Variants in PLA2G4A observed in about 807,000 individuals in gnomAD.
PLA2G4A encodes the protein phospholipase A2 group IVA.
A neutral mutation model predicts 81.9 loss-of-function variants in PLA2G4A; 40 were observed. The observed-to-expected ratio is 0.49, with a 90% CI of 0.38 to 0.64. The LOEUF is 0.64. PLA2G4A is among the 30% of genes least tolerant of loss of function. The pLI is 0.00. For synonymous variants in PLA2G4A, 302 were observed against 296.9 expected (o/e 1.02, Z -0.18); for missense variants, 715 against 905.1 (o/e 0.79, Z 2.69).
rs761962494 is a variant in PLA2G4A at position 186,907,051 on chromosome 1, A to G, written c.416+49A>G. 5.0e-5 allele frequency: 47 copies of G among 935,128 alleles called. No homozygotes were observed. The Admixed American group carries it at 6.7e-4, about 13-fold the overall frequency. The allele number at this position is 935,128 out of a possible 1,614,324, so 57.9% of individuals were successfully genotyped here. ...TGAGAAATATTGTGAGTGATCCACT[A>G]ATTTATTTTAATTGTTAAAGAATTT... is the stretch of plus-strand genomic sequence containing the variant. On this transcript the variant is annotated intron_variant, in intron 6 of 17. Transcript: ENST00000367466.
chr1:186,908,070 G>A (rs1488060819), intron 6 of PLA2G4A, among the ~76,000 whole-genome samples: 4 of 151,964 alleles, frequency 2.6e-5, no homozygotes, highest in Non-Finnish European at 5.9e-5. Flanking sequence ...ATTTATGTCA[G>A]CTCTAGAACA....
intron 3 of PLA2G4A, among the ~76,000 whole-genome samples, chr1:186,884,768 A>C (rs892922415): frequency 6.6e-6 from 1 of 151,906 alleles, no homozygotes; most frequent in Non-Finnish European, 1.5e-5. Flanking sequence ...AGTCCCAGCT[A>C]CTTGGGGAAG....
At chr1:186,913,593 G>A (rs553938623) in intron 7 of PLA2G4A, among the ~76,000 whole-genome samples, 4 of 152,014 alleles carry the variant, frequency 2.6e-5, no homozygotes, top group African/African-American at 9.6e-5. Context: ...GAGCTTTCTT[G>A]TTAATTGAAT....
chr1:186,975,438 A>G (rs1657497041), intron 15 of PLA2G4A, among the ~76,000 whole-genome samples: 1 of 152,230 alleles, frequency 6.6e-6, no homozygotes, highest in East Asian at 1.9e-4. Flanking sequence ...GTGAAAGTTC[A>G]ATGAAAAGTG....
chr1:186,924,059 T>C (rs923499349), intron 7 of PLA2G4A, among the ~76,000 whole-genome samples: 1 of 152,178 alleles, frequency 6.6e-6, no homozygotes, highest in Non-Finnish European at 1.5e-5. Flanking sequence ...CAGATACCCA[T>C]CAGATATGGA....
intron 1 of PLA2G4A, among the ~76,000 whole-genome samples, chr1:186,837,587 A>G (rs931296938): frequency 6.6e-6 from 1 of 150,852 alleles, no homozygotes; most frequent in Non-Finnish European, 1.5e-5. Context: ...AATACAAAAA[A>G]TTAGCCGGGC....
rs1654670688 is a variant in PLA2G4A, at chr1:186,904,632, A to ATGGCACAGCACTGC, written c.379-2333_379-2332insTGGCACAGCACTGC. On this transcript the variant is annotated intron_variant, in intron 5 of 17. Transcript: ENST00000367466. ...AAGAACCTTGGCAGCACAGCCTGTAACATTCAAAATGGCAGAAAAATCCTG... is the reference window on the plus strand; with the variant it reads ...AAGAACCTTGGCAGCACAGCCTGTAATGGCACAGCACTGCCATTCAAAATGGCAGAAAAATCCTG... Among the ~76,000 whole-genome samples the ATGGCACAGCACTGC allele has an allele frequency of 5.3e-5, 8 of 152,366 alleles. No homozygotes were observed. In the South Asian group the frequency reaches 1.7e-3, roughly 32 times the overall value.
chr1:186,986,371 G>A (rs1657892036), intron 17 of PLA2G4A, among the ~76,000 whole-genome samples: 1 of 151,968 alleles, frequency 6.6e-6, no homozygotes, highest in South Asian at 2.1e-4. Context: ...TATTTTATTT[G>A]GACACTTTTA....
intron 14 of PLA2G4A, among the ~76,000 whole-genome samples, chr1:186,960,993 CAGTT>C (rs1317555159): frequency 8.5e-5 from 13 of 152,306 alleles, no homozygotes; most frequent in East Asian, 5.8e-4. Flanking sequence ...TTTTGCAACA[CAGTT>C]AGGAAACACT....
intron 3 of PLA2G4A, among the ~76,000 whole-genome samples, chr1:186,872,685 G>T (rs921261025): frequency 4.6e-5 from 7 of 151,804 alleles, no homozygotes; most frequent in African/African-American, 1.7e-4. Flanking sequence ...CTTTGGCAAT[G>T]GTTATTTATT....
intron 6 of PLA2G4A, among the ~76,000 whole-genome samples, chr1:186,908,653 T>A (rs12401750): frequency 0.11 from 16,329 of 151,888 alleles, 991 homozygotes; most frequent in Middle Eastern, 0.19. Flanking sequence ...TATGGATAAA[T>A]AGATTATAGT....
At chr1:186,902,993 T>C (rs1002921233) in intron 5 of PLA2G4A, among the ~76,000 whole-genome samples, 6 of 152,136 alleles carry the variant, frequency 3.9e-5, no homozygotes, top group Non-Finnish European at 7.3e-5. Context: ...ATTGATAGGG[T>C]TGTAATTTCT....
At chr1:186,877,959 A>C (rs1653566689) in intron 3 of PLA2G4A, among the ~76,000 whole-genome samples, 1 of 150,542 alleles carries the variant, frequency 6.6e-6, no homozygotes, top group African/African-American at 2.4e-5. Context: ...GGTTGCATGC[A>C]CAGGAAATTT....
intron 16 of PLA2G4A, among the ~76,000 whole-genome samples, chr1:186,978,206 A>G (rs1018243266): frequency 6.6e-6 from 1 of 152,188 alleles, no homozygotes; most frequent in African/African-American, 2.4e-5. Flanking sequence ...TAGCAGTTTC[A>G]GTTTGCCATG....
chr1:186,866,804 G>C (rs1412673571), intron 2 of PLA2G4A, among the ~76,000 whole-genome samples: 2 of 152,086 alleles, frequency 1.3e-5, no homozygotes, highest in Non-Finnish European at 2.9e-5. Flanking sequence ...TTATTATTGA[G>C]ATGGTTCCTT....
At chr1:186,898,550 G>A (rs1335972643) in intron 5 of PLA2G4A, among the ~76,000 whole-genome samples, 1 of 152,180 alleles carries the variant, frequency 6.6e-6, no homozygotes, top group East Asian at 1.9e-4. Flanking sequence ...GAGAAATACT[G>A]TGAAGAAAAT....
rs149106736 is a variant in PLA2G4A at position 186,952,305 on chromosome 1, G to T, written c.1336+1577G>T. Reference sequence around the variant, plus strand: ...AGTTCAAGGACTGTTGAATATGGCTGCTTTGGTTTTAGGATCAGCCTTGCT... The same window carrying T: ...AGTTCAAGGACTGTTGAATATGGCTTCTTTGGTTTTAGGATCAGCCTTGCT... On this transcript the variant is annotated intron_variant, in intron 13 of 17. Transcript: ENST00000367466. 2.2e-3 allele frequency among the ~76,000 whole-genome samples: 337 copies of T among 152,300 alleles called. 4 individuals carry two copies. The highest frequency in any genetic ancestry group is 7.4e-3 in the African/African-American group (309 of 41,574).
At chr1:186,853,550 G>T (rs1030984913) in intron 1 of PLA2G4A, among the ~76,000 whole-genome samples, 3 of 151,758 alleles carry the variant, frequency 2.0e-5, no homozygotes, top group Non-Finnish European at 2.9e-5. Context: ...TATTTGAAAA[G>T]GTATTCCAAA....
rs377234826 is a variant in PLA2G4A at position 186,909,642 on chromosome 1, A to G, written c.417-1606A>G. On this transcript the variant is annotated intron_variant, in intron 6 of 17. Coordinates refer to ENST00000367466, the MANE Select transcript of PLA2G4A (RefSeq NM_024420.3). ...GCCATTGCACTCCAGCCTGGGCAAC[A>G]GGAGCGAAACTCCGTCTCAAAAAAA... is the stretch of plus-strand genomic sequence containing the variant. 8.9e-5 allele frequency among the ~76,000 whole-genome samples: 12 copies of G among 135,496 alleles called. No individual in the cohort carries two copies. In the East Asian group the frequency reaches 2.5e-3, roughly 28 times the overall value. The allele number at this position is 135,496 out of a possible 152,430, so 88.9% of individuals were successfully genotyped here.
Sources: allele counts gnomAD v4.1 joint callset (sites outside exome capture counted in the v4.1 genomes callset), GRCh38; gene constraint gnomAD v4.1.1; transcripts MANE v1.5; gene names NCBI Gene and HGNC (gene_info 2026-07-23, HGNC 2026-07-21).